The following PKN2 variants were observed in gnomAD, a reference collection of about 807,000 sequenced individuals.
PKN2 encodes the protein serine/threonine-protein kinase N2.
PKN2 carries 38 observed loss-of-function variants against 119.1 expected under a neutral mutation model. The observed-to-expected ratio is 0.32, with a 90% CI of 0.25 to 0.42. The LOEUF is 0.42. Among genes scored for constraint, PKN2 ranks in the 10% least tolerant of loss-of-function variants. The pLI is 1.00. For synonymous variants in PKN2, 390 were observed against 384.9 expected, an observed-to-expected ratio of 1.01 and a Z score of -0.15; for missense variants, 850 against 1,165.1, an observed-to-expected ratio of 0.73 and a Z score of 3.94.
intron 16 of PKN2, among the ~76,000 whole-genome samples, chr1:88,816,026 G>A (rs1044566260): frequency 1.2e-4 from 18 of 151,784 alleles, no homozygotes; most frequent in African/African-American, 3.6e-4. Context: ...TGTAATCCCA[G>A]CTATTTGGGA....
chr1:88,829,057 T>C, intron 19 of PKN2: 1 of 659,278 alleles, frequency 1.5e-6, no homozygotes, highest in Non-Finnish European at 2.9e-6. Flanking sequence ...ACCGGGAAAC[T>C]ACTGAAGTTC....
chr1:88,714,259 A>T (rs537064101), intron 1 of PKN2, among the ~76,000 whole-genome samples: 2 of 152,330 alleles, frequency 1.3e-5, no homozygotes, highest in African/African-American at 4.8e-5. Context: ...TGTCTTGGCA[A>T]TGCGGGCTCT....
intron 1 of PKN2, among the ~76,000 whole-genome samples, chr1:88,720,571 G>T (rs1184501920): frequency 2.0e-5 from 3 of 152,190 alleles, no homozygotes; most frequent in Non-Finnish European, 1.5e-5. Context: ...CACATTTAGA[G>T]ATGGAAGAAA....
At chr1:88,830,920 A>G (rs1255411945) in intron 19 of PKN2, among the ~76,000 whole-genome samples, 1 of 152,136 alleles carries the variant, frequency 6.6e-6, no homozygotes, top group East Asian at 1.9e-4. Context: ...CTATGATGAA[A>G]GTAAGGTGTG....
rs554979799 is a variant in PKN2, at chr1:88,830,514, C to T, written c.2562+1891C>T. 2.6e-5 allele frequency among the ~76,000 whole-genome samples: 4 copies of T among 151,988 alleles called. No homozygotes were observed. The East Asian group carries it at 7.7e-4, about 29-fold the overall frequency. ...TTTTGGTTTTGTTTCATGTAGTATT[C>T]AAGTAAGTATGAGATTTATGAGATT... is the stretch of plus-strand genomic sequence containing the variant. On this transcript the variant is annotated intron_variant, in intron 19 of 21. Transcript: ENST00000370521.
intron 1 of PKN2, among the ~76,000 whole-genome samples, chr1:88,704,778 CAAAAAAA>C (rs35670791): frequency 1.1e-4 from 8 of 75,950 alleles, no homozygotes; most frequent in Non-Finnish European, 1.3e-4. Flanking sequence ...GACCCTGTCT[CAAAAAAA>C]AAAAAAAAAA....
intron 3 of PKN2, among the ~76,000 whole-genome samples, chr1:88,765,310 G>GTTT (rs1669624107): frequency 6.7e-6 from 1 of 148,902 alleles, no homozygotes; most frequent in South Asian, 2.1e-4. Flanking sequence ...CATGTCTCCT[G>GTTT]TTTATATATT....
At chr1:88,723,741 T>G (rs999258337) in intron 1 of PKN2, among the ~76,000 whole-genome samples, 5 of 152,222 alleles carry the variant, frequency 3.3e-5, no homozygotes, top group Non-Finnish European at 5.9e-5. Flanking sequence ...TTGCCTCATT[T>G]CAGGTGGCAT....
At chr1:88,784,183 G>T in intron 6 of PKN2, among the ~76,000 whole-genome samples, 1 of 143,678 alleles carries the variant, frequency 7.0e-6, no homozygotes. Flanking sequence ...GAATGCAGTG[G>T]TGCAATCTTG....
chr1:88,770,876 C>T (rs1328089045), intron 4 of PKN2, among the ~76,000 whole-genome samples: 16 of 150,476 alleles, frequency 1.1e-4, no homozygotes, highest in African/African-American at 3.9e-4. Context: ...TGAGCCACCG[C>T]GCCCGGCCCT....
intron 1 of PKN2, among the ~76,000 whole-genome samples, chr1:88,690,210 G>C (rs1360680649): frequency 6.6e-6 from 1 of 152,206 alleles, no homozygotes; most frequent in Non-Finnish European, 1.5e-5. Context: ...CTTAGCATCT[G>C]ATTCCTTGGG....
chr1:88,810,894 A>G (rs1420253514), intron 15 of PKN2, among the ~76,000 whole-genome samples: 1 of 152,240 alleles, frequency 6.6e-6, no homozygotes, highest in Non-Finnish European at 1.5e-5. Flanking sequence ...GGCATGAGCC[A>G]CTGTGCCTGG....
intron 1 of PKN2, among the ~76,000 whole-genome samples, chr1:88,709,349 G>A (rs1233460063): frequency 6.6e-6 from 1 of 151,988 alleles, no homozygotes; most frequent in African/African-American, 2.4e-5. Context: ...ACTGCACCCG[G>A]CCCATCAAAA....
intron 1 of PKN2, among the ~76,000 whole-genome samples, chr1:88,738,803 T>A (rs540199140): frequency 3.3e-5 from 5 of 152,240 alleles, no homozygotes; most frequent in Non-Finnish European, 5.9e-5. Flanking sequence ...CTTAAACTAT[T>A]TTTTATCTAA....
At chr1:88,789,058 C>T (rs906420031) in intron 8 of PKN2, among the ~76,000 whole-genome samples, 1 of 152,038 alleles carries the variant, frequency 6.6e-6, no homozygotes, top group Non-Finnish European at 1.5e-5. Context: ...AAGCTTAGAA[C>T]AATTTTAGCA....
chr1:88,786,767 A>G (rs1040422823), intron 8 of PKN2, among the ~76,000 whole-genome samples: 4 of 152,074 alleles, frequency 2.6e-5, no homozygotes, highest in Admixed American at 1.3e-4. Context: ...TTAAAACGTA[A>G]TCGTAATTTT....
Position 88,828,486 on chromosome 1 carries a change from G to A in PKN2, c.2425G>A (p.Gly809Arg), listed in dbSNP as rs753253980. ...ADFGLCKEGM[G>R]YGDRTSTFCG... is the part of the protein sequence containing the mutation. ...TTACATTTTATCTTTTCCAGGAATG[G>A]GATATGGAGATAGAACAAGCACATT... The change falls in exon 19 of 22, where the codon GGA becomes AGA. Residue 809 changes from glycine to arginine, a missense_variant. Coordinates refer to ENST00000370521, the MANE Select transcript of PKN2 (RefSeq NM_006256.4). The A allele has an allele frequency of 1.2e-6, 2 of 1,606,088 alleles. No homozygotes were observed. The highest frequency in any genetic ancestry group is 1.7e-6 in the Non-Finnish European group (2 of 1,173,860).
chr1:88,709,393 C>T (rs557554755), intron 1 of PKN2, among the ~76,000 whole-genome samples: 7 of 152,062 alleles, frequency 4.6e-5, no homozygotes, highest in Non-Finnish European at 1.0e-4. Context: ...TTTCTTCTCT[C>T]ATGAACCTTA....
chr1:88,699,103 T>C (rs1266439609), intron 1 of PKN2, among the ~76,000 whole-genome samples: 1 of 152,056 alleles, frequency 6.6e-6, no homozygotes, highest in Non-Finnish European at 1.5e-5. Flanking sequence ...TCTCTTTCTT[T>C]TTCTCCCTGA....
Sources: allele counts gnomAD v4.1 joint callset (sites outside exome capture counted in the v4.1 genomes callset), GRCh38; gene constraint gnomAD v4.1.1; transcripts MANE v1.5; gene names NCBI Gene and HGNC (gene_info 2026-07-23, HGNC 2026-07-21).